The following IL1RAPL2 variants were observed in gnomAD, a reference collection of about 807,000 sequenced individuals.
IL1RAPL2 encodes the protein interleukin 1 receptor accessory protein like 2.
IL1RAPL2 carries 3 observed loss-of-function variants against 44.1 expected under a neutral mutation model. The observed-to-expected ratio is 0.07, with a 90% CI of 0.03 to 0.18. The LOEUF (loss-of-function observed/expected upper bound fraction) is 0.18. Among genes scored for constraint, IL1RAPL2 ranks in the 10% least tolerant of loss-of-function variants. The pLI is 1.00. For missense variants in IL1RAPL2, 391 were observed against 496.4 expected, an observed-to-expected ratio of 0.79 and a Z score of 2.02; for synonymous variants, 181 against 178.8, an observed-to-expected ratio of 1.01 and a Z score of -0.10.
intron 2 of IL1RAPL2, among the ~76,000 whole-genome samples, chrX:104,728,393 G>T (rs1372374031): frequency 9.0e-6 from 1 of 111,337 alleles, no homozygotes; most frequent in Admixed American, 9.6e-5. Context: ...TAAATAAGAG[G>T]TACATCTAAA....
chrX:104,694,442 C>T (rs1344202826), intron 2 of IL1RAPL2, among the ~76,000 whole-genome samples: 3 of 111,977 alleles, frequency 2.7e-5, no homozygotes, highest in African/African-American at 9.7e-5. Flanking sequence ...AGTATTTTGC[C>T]ATTCTCTATT....
intron 5 of IL1RAPL2, among the ~76,000 whole-genome samples, chrX:105,443,174 A>C (rs1459882750): frequency 8.9e-6 from 1 of 112,042 alleles, no homozygotes; most frequent in Admixed American, 9.5e-5. Context: ...TTGATAATTT[A>C]AGTTTCAATT....
chrX:104,800,366 A>T (rs928582250), intron 2 of IL1RAPL2, among the ~76,000 whole-genome samples: 10 of 106,851 alleles, frequency 9.4e-5, no homozygotes, highest in Admixed American at 2.0e-4. Flanking sequence ...CCAGGTATTT[A>T]AAAAAAAAAC....
At chrX:105,484,669 T>G (rs1450681966) in intron 6 of IL1RAPL2, among the ~76,000 whole-genome samples, 2 of 111,939 alleles carry the variant, frequency 1.8e-5, no homozygotes, top group Non-Finnish European at 3.8e-5. Flanking sequence ...GTGTCTTGCA[T>G]TGGTGATTGG....
chrX:104,647,538 T>C, intron 1 of IL1RAPL2: 1 of 519,645 alleles, frequency 1.9e-6, no homozygotes, highest in East Asian at 3.5e-5. Flanking sequence ...GCTCACTCCG[T>C]AAGATTGTCA....
chrX:105,649,314 A>G (rs1034036138), intron 6 of IL1RAPL2, among the ~76,000 whole-genome samples: 1 of 110,712 alleles, frequency 9.0e-6, no homozygotes, highest in African/African-American at 3.3e-5. Context: ...AAAGAGGCAA[A>G]TAGAGAAAGA....
At chrX:104,860,299 G>A (rs1922459616) in intron 2 of IL1RAPL2, among the ~76,000 whole-genome samples, 1 of 111,620 alleles carries the variant, frequency 9.0e-6, no homozygotes, top group Non-Finnish European at 1.9e-5. Context: ...GAGTAGATGT[G>A]GTGGGAAGAA....
chrX:105,243,604 TA>T (rs200289532), intron 4 of IL1RAPL2, among the ~76,000 whole-genome samples: 834 of 82,546 alleles, frequency 0.01, 10 homozygotes, highest in African/African-American at 0.036. Flanking sequence ...TATATATATA[TA>T]TTTTTTTTTT....
At chrX:104,718,102 T>C (rs913817694) in intron 2 of IL1RAPL2, among the ~76,000 whole-genome samples, 2 of 111,171 alleles carry the variant, frequency 1.8e-5, no homozygotes, top group Non-Finnish European at 3.8e-5. Context: ...TGATTTATAA[T>C]CCTTTGGGTA....
intron 6 of IL1RAPL2, among the ~76,000 whole-genome samples, chrX:105,574,870 A>G (rs2037039724): frequency 9.0e-6 from 1 of 111,368 alleles, no homozygotes; most frequent in South Asian, 3.8e-4. Context: ...ATGTGGTGGG[A>G]AAAAGCAGCA....
chrX:105,619,516 G>A (rs930494818), intron 6 of IL1RAPL2, among the ~76,000 whole-genome samples: 2 of 111,540 alleles, frequency 1.8e-5, no homozygotes, highest in South Asian at 3.7e-4. Flanking sequence ...GCATAATTTG[G>A]AGTGGCATAT....
chrX:105,087,935 G>A (rs1016322793), intron 2 of IL1RAPL2, among the ~76,000 whole-genome samples: 17 of 111,994 alleles, frequency 1.5e-4, no homozygotes, highest in African/African-American at 5.2e-4. Flanking sequence ...CTGCCTATGT[G>A]GTTTATGAAT....
chrX:104,622,777 A>G (rs1444813212), intron 1 of IL1RAPL2, among the ~76,000 whole-genome samples: 1 of 112,197 alleles, frequency 8.9e-6, no homozygotes, highest in African/African-American at 3.2e-5. Context: ...ATGGGGTACC[A>G]ATGAATCCCA....
chrX:104,812,612 G>A (rs1186446917), intron 2 of IL1RAPL2, among the ~76,000 whole-genome samples: 1 of 111,533 alleles, frequency 9.0e-6, no homozygotes, highest in Admixed American at 9.5e-5. Context: ...AGGTGGAGAG[G>A]GGACTTGGAG....
chrX:105,456,533 G>A (rs953118532), intron 5 of IL1RAPL2, among the ~76,000 whole-genome samples: 6 of 111,298 alleles, frequency 5.4e-5, no homozygotes, highest in African/African-American at 2.0e-4. Context: ...ACATGAAGAG[G>A]TGTCGAATTT....
chrX:105,643,238 A>G (rs1286200376), intron 6 of IL1RAPL2, among the ~76,000 whole-genome samples: 1 of 111,890 alleles, frequency 8.9e-6, no homozygotes, highest in African/African-American at 3.3e-5. Flanking sequence ...AAAGTTGAAA[A>G]TTGTATACAG....
Position 105,499,354 on chromosome X carries a change from A to G in IL1RAPL2, c.772+14967A>G, listed in dbSNP as rs922896546. On this transcript the variant is annotated intron_variant, in intron 6 of 10. Transcript: ENST00000372582. ...GTGACCTTTTTTTAATGTGACACCA[A>G]AAGTATAGGCAACAGAAGCAAAAAA... 3.6e-5 allele frequency among the ~76,000 whole-genome samples: 4 copies of G among 111,273 alleles called. 1 individual carries two copies. In the Admixed American group the frequency reaches 3.8e-4, roughly 11 times the overall value.
intron 6 of IL1RAPL2, among the ~76,000 whole-genome samples, chrX:105,649,171 G>A (rs1057220435): frequency 2.7e-5 from 3 of 110,934 alleles, no homozygotes; most frequent in East Asian, 2.8e-4. Flanking sequence ...TCAAGATTTC[G>A]ACAATAAATT....
chrX:105,409,845 T>TAGATAGATAGAC (rs757454072), intron 5 of IL1RAPL2, among the ~76,000 whole-genome samples: 1,321 of 85,796 alleles, frequency 0.015, 18 homozygotes, highest in South Asian at 0.038. Flanking sequence ...GATAGATAGA[T>TAGATAGATAGAC]AGACAGACAG....
Sources: allele counts gnomAD v4.1 joint callset (sites outside exome capture counted in the v4.1 genomes callset), GRCh38; gene constraint gnomAD v4.1.1; transcripts MANE v1.5; gene names NCBI Gene and HGNC (gene_info 2026-07-23, HGNC 2026-07-21).